The following DEUP1 variants were observed in gnomAD, a reference collection of about 807,000 sequenced individuals.
DEUP1 encodes coiled-coil domain containing 67.
In DEUP1, 82 loss-of-function variants were observed where a neutral mutation model predicts 87.4. The observed-to-expected ratio is 0.94, with a 90% CI of 0.78 to 1.13. DEUP1 has a LOEUF of 1.13. Among genes scored for constraint, DEUP1 ranks in the 50% most tolerant of loss-of-function variants. The probability of loss-of-function intolerance (pLI) is 0.00; values close to 1 mark genes in which losing one functional copy is unlikely to be tolerated. For synonymous variants in DEUP1, 214 were observed against 222.7 expected (o/e 0.96, Z 0.35); for missense variants, 663 against 681.5 (o/e 0.97, Z 0.30).
At chr11:93,338,985 T>G (rs1445022360) in intron 2 of DEUP1, among the ~76,000 whole-genome samples, 1 of 152,192 alleles carries the variant, frequency 6.6e-6, no homozygotes, top group African/African-American at 2.4e-5. Context: ...TAGGAATGGC[T>G]TCAGCCAGGG....
chr11:93,399,381 G>T (rs1947045694), intron 11 of DEUP1, among the ~76,000 whole-genome samples: 1 of 151,716 alleles, frequency 6.6e-6, no homozygotes, highest in Admixed American at 6.6e-5. Context: ...ATTGAAGTAA[G>T]TTTATAGATT....
intron 4 of DEUP1, among the ~76,000 whole-genome samples, chr11:93,360,046 G>A (rs1286465017): frequency 6.6e-6 from 1 of 152,158 alleles, no homozygotes; most frequent in Non-Finnish European, 1.5e-5. Context: ...TAGGAAGGCT[G>A]TTGAGGAGTC....
chr11:93,368,264 A>G (rs909637149), intron 5 of DEUP1, among the ~76,000 whole-genome samples: 1 of 152,226 alleles, frequency 6.6e-6, no homozygotes, highest in African/African-American at 2.4e-5. Context: ...AGGCTGCTAT[A>G]ACTAAATACC....
chr11:93,431,339 G>A (rs909680338), intron 13 of DEUP1, among the ~76,000 whole-genome samples: 5 of 152,096 alleles, frequency 3.3e-5, no homozygotes, highest in African/African-American at 9.7e-5. Flanking sequence ...AGGCAGGAAC[G>A]AGTTTGGCAG....
intron 11 of DEUP1, among the ~76,000 whole-genome samples, chr11:93,397,052 G>A (rs1946966958): frequency 6.6e-6 from 1 of 151,990 alleles, no homozygotes; most frequent in African/African-American, 2.4e-5. Context: ...TCATTTATTT[G>A]CTCTGAGAAA....
At chr11:93,402,449 G>A (rs1947146902) in intron 11 of DEUP1, among the ~76,000 whole-genome samples, 1 of 151,930 alleles carries the variant, frequency 6.6e-6, no homozygotes. Flanking sequence ...ACAGTATAAA[G>A]TTTCCTCAAA....
Position 93,408,412 on chromosome 11 carries a change from A to G in DEUP1, c.1508A>G (p.Glu503Gly). The change falls in exon 12 of 14, where the codon GAA becomes GGA. Residue 503 changes from glutamate (E) to glycine (G), a missense_variant. Transcript: ENST00000298050. ...RYAYQSQIKV[E>G]QNEERLSHDC... The stretch of plus-strand genomic sequence containing the variant: ...GCCTATCAAAGCCAAATAAAAGTGG[A>G]ACAAAATGAAGAGAGGTATGCTGGC... The G allele has an allele frequency of 1.3e-6, 2 of 1,555,092 alleles. No individual in the cohort carries two copies. The highest frequency in any genetic ancestry group is 1.7e-6 in the Non-Finnish European group (2 of 1,149,604).
At chr11:93,398,396 C>T (rs1947007938) in intron 11 of DEUP1, among the ~76,000 whole-genome samples, 1 of 152,096 alleles carries the variant, frequency 6.6e-6, no homozygotes, top group Admixed American at 6.5e-5. Flanking sequence ...TATACTTACA[C>T]CTTGGAATAG....
intron 13 of DEUP1, among the ~76,000 whole-genome samples, chr11:93,436,366 T>C (rs187356020): frequency 1.6e-4 from 25 of 152,342 alleles, no homozygotes; most frequent in African/African-American, 5.8e-4. Flanking sequence ...TAACATAACT[T>C]TGGGGCAAAA....
rs114676674 is a variant in DEUP1, at chr11:93,402,098, A to G, written c.1326+5773A>G. The stretch of plus-strand genomic sequence containing the variant: ...CACAGAATGCAAGAAAATATTTGCA[A>G]ACTATCCATATGACAAGGAATTAAT... On this transcript the variant is annotated intron_variant, in intron 11 of 13. Transcript: ENST00000298050. 8.0e-3 allele frequency among the ~76,000 whole-genome samples: 1,214 copies of G among 152,128 alleles called. 15 individuals are homozygous for G. Among genetic ancestry groups the G allele is most frequent in the African/African-American group, 0.028 (1,167 of 41,554 alleles).
intron 11 of DEUP1, among the ~76,000 whole-genome samples, chr11:93,405,837 A>T (rs1348992095): frequency 1.3e-5 from 2 of 151,930 alleles, no homozygotes; most frequent in African/African-American, 2.4e-5. Context: ...TCTAAGCTGT[A>T]ATCATTCATT....
intron 13 of DEUP1, among the ~76,000 whole-genome samples, chr11:93,419,451 T>A (rs1433199152): frequency 3.3e-5 from 5 of 152,192 alleles, no homozygotes; most frequent in Non-Finnish European, 5.9e-5. Context: ...GTCATGGGGC[T>A]AATCAGAAGT....
chr11:93,380,392 T>G lies in DEUP1; in HGVS notation c.790-5006T>G, dbSNP rs1352934152. Among the ~76,000 whole-genome samples, 4 of 151,920 alleles carry G rather than the reference T, an allele frequency of 2.6e-5. No individual in the cohort carries two copies. The East Asian group carries it at 5.8e-4, about 22-fold the overall frequency. On this transcript the variant is annotated intron_variant, in intron 7 of 13. Coordinates refer to ENST00000298050, the MANE Select transcript of DEUP1 (RefSeq NM_181645.4). ...CATCCTGCTCTGTTTTTTTGGGTTT[T>G]GTTTTGTTTTGTTTTGTTTTGTTTT...
intron 5 of DEUP1, among the ~76,000 whole-genome samples, chr11:93,365,608 C>T (rs918075095): frequency 6.6e-6 from 1 of 152,078 alleles, no homozygotes; most frequent in South Asian, 2.1e-4. Flanking sequence ...AAGTTAGTAT[C>T]AAGTACTTTG....
intron 13 of DEUP1, among the ~76,000 whole-genome samples, chr11:93,434,092 G>A (rs182441792): frequency 1.2e-4 from 18 of 152,278 alleles, no homozygotes; most frequent in African/African-American, 2.6e-4. Flanking sequence ...AAGGGGATCC[G>A]GGTAGGGGAC....
chr11:93,388,926 T>C, intron 8 of DEUP1, 94 bp from the exon 9 acceptor site: 2 of 687,492 alleles, frequency 2.9e-6, no homozygotes, highest in East Asian at 3.0e-5. Context: ...ATGATCTATC[T>C]CCGCAGCCTG....
chr11:93,373,625 G>GTATGTATATATATATA, intron 7 of DEUP1, among the ~76,000 whole-genome samples: 1 of 67,010 alleles, frequency 1.5e-5, no homozygotes, highest in African/African-American at 4.1e-5. Flanking sequence ...ATATATATAC[G>GTATGTATATATATATA]TATATATATA....
At chr11:93,390,752 C>G (rs1946740382) in intron 9 of DEUP1, among the ~76,000 whole-genome samples, 1 of 151,770 alleles carries the variant, frequency 6.6e-6, no homozygotes, top group Non-Finnish European at 1.5e-5. Context: ...TACCAGAATG[C>G]TGTGCAAAAA....
In DEUP1 at chr11:93,365,539, T is replaced by G. The variant is rs1945371654; in HGVS notation, c.432+1245T>G. 2.0e-5 allele frequency among the ~76,000 whole-genome samples: 3 copies of G among 152,116 alleles called. No individual in the cohort carries two copies. In the South Asian group the frequency reaches 6.2e-4, roughly 31 times the overall value. ...CACTAATATTCCATTCGACTGACTT[T>G]TCATGGGCTTTTGTGGGAGAACTAC... On this transcript the variant is annotated intron_variant, in intron 5 of 13. Transcript: ENST00000298050.
Sources: gnomAD v4.1 joint callset for allele counts (sites outside exome capture counted in the v4.1 genomes callset) on GRCh38, gnomAD v4.1.1 for gene constraint, MANE v1.5 for transcripts, NCBI Gene and HGNC (gene_info 2026-07-23, HGNC 2026-07-21) for gene names.